Variants in CBLN2 observed in about 807,000 individuals in gnomAD.
CBLN2 encodes cerebellin 2 precursor.
CBLN2 carries 7 observed loss-of-function variants against 15.0 expected under a neutral mutation model. The ratio of observed to expected loss-of-function variants is 0.47; its 90% CI spans 0.27 to 0.88. The LOEUF is 0.88. Ranked by LOEUF, CBLN2 falls within the 40% of genes least tolerant of loss-of-function variation. The pLI, the probability that CBLN2 is intolerant of heterozygous loss-of-function variation, is 0.14. For missense variants in CBLN2, 242 were observed against 304.5 expected (o/e 0.79, Z 1.53); for synonymous variants, 149 against 135.2 (o/e 1.10, Z -0.71).
intron 1 of CBLN2, among the ~76,000 whole-genome samples, chr18:72,580,317 T>C (rs2069394928): frequency 6.6e-6 from 1 of 152,082 alleles, no homozygotes. Context: ...ATGCCAAAAA[T>C]ATATTAAGGA....
At chr18:72,604,291 C>T (rs1355469534) in intron 1 of CBLN2, among the ~76,000 whole-genome samples, 1 of 152,126 alleles carries the variant, frequency 6.6e-6, no homozygotes, top group African/African-American at 2.4e-5. Context: ...CCTTGTTTTG[C>T]TCAAAGGCCT....
At chr18:72,615,602 T>C (rs2069656180) in intron 1 of CBLN2, among the ~76,000 whole-genome samples, 1 of 152,098 alleles carries the variant, frequency 6.6e-6, no homozygotes, top group Non-Finnish European at 1.5e-5. Flanking sequence ...AAGATGTGAA[T>C]TAGAAGGTAT....
intron 1 of CBLN2, among the ~76,000 whole-genome samples, chr18:72,551,684 A>G (rs2069193078): frequency 6.6e-6 from 1 of 152,236 alleles, no homozygotes; most frequent in Non-Finnish European, 1.5e-5. Context: ...AGTACCCAGC[A>G]TTAATACTGT....
intron 1 of CBLN2, among the ~76,000 whole-genome samples, chr18:72,597,763 GT>G (rs2069522858): frequency 1.3e-5 from 2 of 152,188 alleles, no homozygotes; most frequent in Admixed American, 1.3e-4. Flanking sequence ...ACAAGACAAA[GT>G]TTTTGCACTC....
chr18:72,561,451 A>G (rs1003689127), intron 1 of CBLN2, among the ~76,000 whole-genome samples: 5 of 152,124 alleles, frequency 3.3e-5, no homozygotes, highest in Non-Finnish European at 7.4e-5. Context: ...TCTTTATTTT[A>G]TCTCCTTCTC....
At chr18:72,558,972 C>A (rs2069243484) in intron 1 of CBLN2, among the ~76,000 whole-genome samples, 1 of 152,190 alleles carries the variant, frequency 6.6e-6, no homozygotes, top group South Asian at 2.1e-4. Context: ...GGAGAATCAC[C>A]TGAGGCCAGG....
chr18:72,582,834 A>G (rs919483829), intron 1 of CBLN2, among the ~76,000 whole-genome samples: 2 of 152,220 alleles, frequency 1.3e-5, no homozygotes, highest in Non-Finnish European at 2.9e-5. Context: ...AACAGTCCTT[A>G]AGGAAATACC....
rs575963426 is a variant in CBLN2, at chr18:72,580,474, C to A, written c.16-41702G>T. On this transcript the variant is annotated intron_variant, in intron 1 of 2. Coordinates refer to the CBLN2 transcript ENST00000581073. ...CCCTTTAACCTCTAAAAAATGACTA[C>A]TTATCTGAATATTATGGCATCAATT... is the stretch of plus-strand genomic sequence containing the variant. Among the ~76,000 whole-genome samples, 8 of 152,220 alleles carry A rather than the reference C, an allele frequency of 5.3e-5. No homozygotes were observed. In the South Asian group the frequency reaches 1.7e-3, roughly 32 times the overall value.
chr18:72,570,161 C>T (rs1290226478), intron 1 of CBLN2, among the ~76,000 whole-genome samples: 1 of 152,100 alleles, frequency 6.6e-6, no homozygotes, highest in Non-Finnish European at 1.5e-5. Flanking sequence ...CACATTTTTA[C>T]AAACTGATCG....
At position 72,541,947 on chromosome 18, in the gene CBLN2, G is replaced by C; in HGVS notation, c.214C>G (p.Pro72Ala). The change falls in exon 3 of 5, where the codon CCG (proline) becomes GCG (alanine). Residue 72 changes from proline (P) to alanine (A), a missense_variant. Pro to Ala is a conservative substitution (Grantham distance 27, BLOSUM62 -1). Around this residue, in one of 4 missense-constraint regions of CBLN2, gnomAD observed 89 missense variants for 114.2 expected, o/e 0.78. Transcript: ENST00000269503. ...GAGGTGACGGCGCCGTCCGCCGACGGGCTGGAGTCGCACACCACCAGGCAC... is the reference window on the plus strand; with the variant it reads ...GAGGTGACGGCGCCGTCCGCCGACGCGCTGGAGTCGCACACCACCAGGCAC... ...GKCLVVCDSSPSADGAVTSSL... is the reference protein window; with the variant it reads ...GKCLVVCDSSASADGAVTSSL... 1 of 1,607,726 alleles carries C rather than the reference G, an allele frequency of 6.2e-7. No homozygotes were observed. Among genetic ancestry groups the C allele is most frequent in the Non-Finnish European group, 8.5e-7 (1 of 1,179,526 alleles).
intron 1 of CBLN2, among the ~76,000 whole-genome samples, chr18:72,570,412 AT>A (rs200559874): frequency 0.059 from 7,603 of 128,236 alleles, 594 homozygotes; most frequent in East Asian, 0.47. Context: ...TAATTTTTGT[AT>A]TTTTTTTTTT....
intron 1 of CBLN2, among the ~76,000 whole-genome samples, chr18:72,551,522 C>T (rs1440330756): frequency 5.3e-5 from 8 of 152,106 alleles, no homozygotes; most frequent in Non-Finnish European, 8.8e-5. Flanking sequence ...AAAAGTGTCA[C>T]TAAGTCTTCA....
intron 1 of CBLN2, among the ~76,000 whole-genome samples, chr18:72,568,265 C>G (rs2069309514): frequency 6.6e-6 from 1 of 152,160 alleles, no homozygotes; most frequent in Admixed American, 6.5e-5. Context: ...AAACTTTGGT[C>G]TCAGGATCCT....
At chr18:72,562,545 G>A (rs2069268600) in intron 1 of CBLN2, among the ~76,000 whole-genome samples, 1 of 152,156 alleles carries the variant, frequency 6.6e-6, no homozygotes, top group Admixed American at 6.5e-5. Flanking sequence ...GACCTAATTT[G>A]ACTGATGTGG....
intron 1 of CBLN2, among the ~76,000 whole-genome samples, chr18:72,565,710 CAA>C (rs1432393015): frequency 6.6e-6 from 1 of 152,042 alleles, no homozygotes; most frequent in Admixed American, 6.5e-5. Flanking sequence ...AGGTAAATAA[CAA>C]AAGAGGATGA....
rs916744872 is a variant in CBLN2 at position 72,543,588 on chromosome 18, C to T, written c.-211-58G>A. 1 of 396,218 alleles carries T rather than the reference C, an allele frequency of 2.5e-6. No homozygotes were observed. Among genetic ancestry groups the T allele is most frequent in the Non-Finnish European group, 4.4e-6 (1 of 224,820 alleles). 24.5% of individuals were successfully genotyped at this position (396,218 alleles called of 1,614,324 possible). A position where few individuals can be genotyped will look rare whatever the true frequency, so the allele number is the denominator to read the frequency against. Reference sequence around the variant, plus strand: ...TCGGGAGGAGGACACGGAGCGCGACCCTGCTCCCAGCGCGTGGCCAATAAC... The same window carrying T: ...TCGGGAGGAGGACACGGAGCGCGACTCTGCTCCCAGCGCGTGGCCAATAAC... On this transcript the variant is annotated intron_variant, in intron 1 of 4. Transcript: ENST00000269503. The surrounding 1 kb of genome is among the most constrained non-coding windows in gnomAD (Gnocchi z 6.8).
At chr18:72,595,268 C>A (rs1231698800) in intron 1 of CBLN2, among the ~76,000 whole-genome samples, 1 of 151,796 alleles carries the variant, frequency 6.6e-6, no homozygotes, top group Non-Finnish European at 1.5e-5. Context: ...AAATTTCTGT[C>A]TTAATTTTTT....
chr18:72,542,937 A>T (rs1481118606), intron 2 of CBLN2: 1 of 156,914 alleles, frequency 6.4e-6, no homozygotes, highest in Non-Finnish European at 1.4e-5. Flanking sequence ...ACACACACAC[A>T]CACACACACA....
chr18:72,615,253 T>A (rs1420942168), intron 1 of CBLN2, among the ~76,000 whole-genome samples: 1 of 129,976 alleles, frequency 7.7e-6, no homozygotes, highest in South Asian at 2.2e-4. Context: ...AAATATATAT[T>A]TATATATGTA....
Sources: gnomAD v4.1 joint callset for allele counts (sites outside exome capture counted in the v4.1 genomes callset) on GRCh38, gnomAD v4.1.1 for gene constraint, gnomAD v4.1.1 regional missense constraint, Gnocchi (gnomAD v3.1) non-coding constraint, MANE v1.5 for transcripts, NCBI Gene and HGNC (gene_info 2026-07-23, HGNC 2026-07-21) for gene names.